The following POLH variants were observed in gnomAD, a reference collection of about 807,000 sequenced individuals.
POLH encodes the protein DNA polymerase eta transcript.
In POLH, 53 loss-of-function variants were observed where a neutral mutation model predicts 73.6. That is an observed-to-expected ratio of 0.72 (90% CI 0.58 to 0.91). The LOEUF (loss-of-function observed/expected upper bound fraction) is 0.91, where lower values mean the gene tolerates loss of function less well. Ranked by LOEUF, POLH falls within the 40% of genes least tolerant of loss-of-function variation. The pLI, the probability that POLH is intolerant of heterozygous loss-of-function variation, is 0.00. For synonymous variants in POLH, 292 were observed against 308.5 expected, an observed-to-expected ratio of 0.95 and a Z score of 0.56; for missense variants, 768 against 865.4, an observed-to-expected ratio of 0.89 and a Z score of 1.41.
intron 4 of POLH, among the ~76,000 whole-genome samples, chr6:43,592,352 A>G (rs953540722): frequency 6.6e-5 from 10 of 151,564 alleles, no homozygotes; most frequent in African/African-American, 2.2e-4. Context: ...CTTGCCTCCT[A>G]TAAGAGCTAG....
Position 43,618,033 on chromosome 6 carries a change from G to A in POLH, c.*3476G>A, listed in dbSNP as rs6929140. On this transcript the variant is annotated 3_prime_UTR_variant, in exon 11 of 11. Coordinates refer to ENST00000372236, the MANE Select transcript of POLH (RefSeq NM_006502.3). ...TAAGCCCTTAAGTACAAATTTAAGAGGTAAGTGCTTCAGCCATTAGGGTTA... is the reference window on the plus strand; with the variant it reads ...TAAGCCCTTAAGTACAAATTTAAGAAGTAAGTGCTTCAGCCATTAGGGTTA... Among the ~76,000 whole-genome samples the A allele has an allele frequency of 6.6e-6, 1 of 152,326 alleles. No individual in the cohort carries two copies. Among genetic ancestry groups the A allele is most frequent in the Non-Finnish European group, 1.5e-5 (1 of 68,030 alleles).
chr6:43,587,096 T>C (rs1282442102), intron 3 of POLH, among the ~76,000 whole-genome samples, 176 bp from the exon 4 acceptor site: 1 of 152,222 alleles, frequency 6.6e-6, no homozygotes, highest in East Asian at 1.9e-4. Flanking sequence ...CATGCTTCTA[T>C]TATTGACCAT....
At chr6:43,581,504 G>A (rs1357113366) in intron 1 of POLH, among the ~76,000 whole-genome samples, 69 of 149,418 alleles carry the variant, frequency 4.6e-4, no homozygotes, top group Non-Finnish European at 7.9e-4. Flanking sequence ...CGGCCGGGCA[G>A]AGGCTGCAAT....
chr6:43,583,804 G>T (rs1764525631), intron 3 of POLH, among the ~76,000 whole-genome samples: 1 of 152,190 alleles, frequency 6.6e-6, no homozygotes, highest in African/African-American at 2.4e-5. Flanking sequence ...CCCCTTCACA[G>T]ATAAGGAATC....
chr6:43,599,899 C>T (rs546531072), intron 5 of POLH, among the ~76,000 whole-genome samples: 14 of 152,084 alleles, frequency 9.2e-5, no homozygotes, highest in Middle Eastern at 3.4e-3. Flanking sequence ...TGGCTCACAC[C>T]TGTAATCCCA....
chr6:43,608,320 T>A (rs962918636), intron 9 of POLH, among the ~76,000 whole-genome samples: 1 of 152,138 alleles, frequency 6.6e-6, no homozygotes, highest in African/African-American at 2.4e-5. Context: ...TGTCTTGGAG[T>A]TCTACAAGTC....
chr6:43,610,218 C>T (rs554193363), intron 9 of POLH, among the ~76,000 whole-genome samples: 37 of 151,728 alleles, frequency 2.4e-4, no homozygotes, highest in Admixed American at 1.8e-3. Context: ...CCTGCCACCA[C>T]GACTGGCTAG....
rs1768642602 is a variant in POLH, at chr6:43,620,484, GCA to G, written c.*5930_*5931del. On this transcript the variant is annotated 3_prime_UTR_variant, in exon 11 of 11. Transcript: ENST00000372236. ...AGCTGAGCCTGTAGCTAACGCATAAGCACAGTGTATTCAATAAAACATTTTTA... is the reference window on the plus strand; with the variant it reads ...AGCTGAGCCTGTAGCTAACGCATAAGCAGTGTATTCAATAAAACATTTTTA... 3.1e-6 allele frequency: 1 copy of G among 326,346 alleles called. No homozygotes were observed. Among genetic ancestry groups the G allele is most frequent in the African/African-American group, 2.2e-5 (1 of 45,258 alleles). 20.2% of individuals were successfully genotyped at this position (326,346 alleles called of 1,614,324 possible).
rs2127827651 is a variant in POLH at position 43,618,477 on chromosome 6, C to T, written c.*3920C>T. On this transcript the variant is annotated 3_prime_UTR_variant, in exon 11 of 11. Coordinates refer to ENST00000372236, the MANE Select transcript of POLH (RefSeq NM_006502.3). ...TATAGTACTGTATTCTTATTCTCCA[C>T]TCTTGTGTGTGAAAAGTCAGCTCTT... Among the ~76,000 whole-genome samples, 1 of 151,806 alleles carries T rather than the reference C, an allele frequency of 6.6e-6. No individual in the cohort carries two copies. Among genetic ancestry groups the T allele is most frequent in the Non-Finnish European group, 1.5e-5 (1 of 67,928 alleles).
At chr6:43,594,431 A>G (rs1765824275) in intron 4 of POLH, among the ~76,000 whole-genome samples, 1 of 152,208 alleles carries the variant, frequency 6.6e-6, no homozygotes, top group South Asian at 2.1e-4. Flanking sequence ...ATTTTTAAAA[A>G]CTACCTTTTG....
Position 43,582,123 on chromosome 6 carries a change from C to G in POLH, c.-4-193C>G, listed in dbSNP as rs528762422. On this transcript the variant is annotated intron_variant, in intron 1 of 10. Transcript: ENST00000372236. ...GCAAAATTTGAAAAAAATGCAAAATCTCAAGCACTTTGGATCCCAGCCATT... is the reference window on the plus strand; with the variant it reads ...GCAAAATTTGAAAAAAATGCAAAATGTCAAGCACTTTGGATCCCAGCCATT... Among the ~76,000 whole-genome samples, 51 of 152,292 alleles carry G rather than the reference C, an allele frequency of 3.3e-4. No homozygotes were observed. In the Middle Eastern group the frequency reaches 0.01, roughly 30 times the overall value.
intron 1 of POLH, 148 bp downstream of exon 1, chr6:43,576,588 T>C (rs1245107114): frequency 6.6e-6 from 1 of 152,244 alleles, no homozygotes; most frequent in Non-Finnish European, 1.5e-5. Context: ...TACTGTCTTC[T>C]AAGATTTTTC....
At chr6:43,605,499 A>G in intron 9 of POLH, 180 bp downstream of exon 9, 1 of 514,400 alleles carries the variant, frequency 1.9e-6, no homozygotes, top group Non-Finnish European at 3.3e-6. Context: ...TCCCAGGCTG[A>G]GTACACTGGC....
At chr6:43,612,986 G>C (rs574481676) in intron 10 of POLH, among the ~76,000 whole-genome samples, 1 of 151,754 alleles carries the variant, frequency 6.6e-6, no homozygotes, top group Non-Finnish European at 1.5e-5. Flanking sequence ...TTTTAGTAGA[G>C]ATGGGGTTTC....
intron 4 of POLH, chr6:43,588,660 C>G (rs1765109296): frequency 6.6e-6 from 1 of 152,286 alleles, no homozygotes; most frequent in South Asian, 2.1e-4. Context: ...ACCATGTTGG[C>G]CAGGCAGGTC....
At chr6:43,584,309 A>G (rs1032781900) in intron 3 of POLH, among the ~76,000 whole-genome samples, 4 of 152,190 alleles carry the variant, frequency 2.6e-5, no homozygotes, top group Non-Finnish European at 5.9e-5. Flanking sequence ...TTCTAATTCT[A>G]TGAATTAGAA....
chr6:43,614,405 T>C lies in POLH; in HGVS notation c.1990T>C (p.Leu664=), dbSNP rs373529999. ...TGCATTGGAGTTGCAGAAATCCTTT[T>C]TGCAGCCCCACTCTTCAAACCCCCA... ...HFALELQKSF[L]QPHSSNPQVV... The change falls in exon 11 of 11, where the codon TTG becomes CTG. Residue 664 remains leucine (L), a synonymous_variant. Coordinates refer to ENST00000372236, the MANE Select transcript of POLH (RefSeq NM_006502.3). 104 of 1,614,092 alleles carry C rather than the reference T, an allele frequency of 6.4e-5. No homozygotes were observed. The highest frequency in any genetic ancestry group is 8.6e-5 in the Non-Finnish European group (102 of 1,180,046).
chr6:43,611,232 G>T (rs1399071727), intron 10 of POLH, among the ~76,000 whole-genome samples: 1 of 152,220 alleles, frequency 6.6e-6, no homozygotes, highest in Non-Finnish European at 1.5e-5. Flanking sequence ...CCCTTACTCT[G>T]TATTGGCTTG....
chr6:43,587,295 T>A lies in POLH; in HGVS notation c.296T>A (p.Val99Glu). 3 of 1,614,042 alleles carry A rather than the reference T, an allele frequency of 1.9e-6. No homozygotes were observed. Among genetic ancestry groups the A allele is most frequent in the Non-Finnish European group, 2.5e-6 (3 of 1,179,926 alleles). ...AGGTACCGGGAAGCCAGTGTTGAAG[T>A]GATGGAGATAATGTCTCGTTTTGCT... ...LTKYREASVEVMEIMSRFAVI... is the reference protein window; with the variant it reads ...LTKYREASVEEMEIMSRFAVI... The change falls in exon 4 of 11, where the codon GTG (valine) becomes GAG (glutamate). Residue 99 changes from valine to glutamate, a missense_variant. Transcript: ENST00000372236.
Sources: allele counts gnomAD v4.1 joint callset (sites outside exome capture counted in the v4.1 genomes callset), GRCh38; gene constraint gnomAD v4.1.1; transcripts MANE v1.5; gene names NCBI Gene and HGNC (gene_info 2026-07-23, HGNC 2026-07-21).